The following CPA6 variants were observed in gnomAD, a reference collection of about 807,000 sequenced individuals.
CPA6 encodes the protein carboxypeptidase A6, also known as carboxypeptidase B.
CPA6 carries 58 observed loss-of-function variants against 63.3 expected under a neutral mutation model. That is an observed-to-expected ratio of 0.92 (90% CI 0.74 to 1.14). The LOEUF (loss-of-function observed/expected upper bound fraction) is 1.14. Among genes scored for constraint, CPA6 ranks in the 50% most tolerant of loss-of-function variants. The pLI, the probability that CPA6 is intolerant of heterozygous loss-of-function variation, is 0.00. For missense variants in CPA6, 565 were observed against 526.6 expected, an observed-to-expected ratio of 1.07 and a Z score of -0.71; for synonymous variants, 185 against 179.0, an observed-to-expected ratio of 1.03 and a Z score of -0.27.
intron 1 of CPA6, among the ~76,000 whole-genome samples, chr8:67,722,330 T>C (rs1388409460): frequency 6.6e-6 from 1 of 152,074 alleles, no homozygotes; most frequent in Non-Finnish European, 1.5e-5. Flanking sequence ...AAAAATAAAT[T>C]CCTGGGTCCA....
intron 2 of CPA6, among the ~76,000 whole-genome samples, chr8:67,621,847 G>A (rs749424989): frequency 5.3e-5 from 8 of 151,972 alleles, no homozygotes; most frequent in South Asian, 2.1e-4. Flanking sequence ...CCAGGTGGCC[G>A]CCTTTCTTTG....
chr8:67,710,979 C>A (rs528574834), intron 1 of CPA6, among the ~76,000 whole-genome samples: 1 of 152,278 alleles, frequency 6.6e-6, no homozygotes, highest in East Asian at 1.9e-4. Flanking sequence ...ATAGTATATA[C>A]TTTTCGTAGC....
intron 8 of CPA6, among the ~76,000 whole-genome samples, chr8:67,467,886 T>TAAAAA (rs539603315): frequency 9.1e-6 from 1 of 109,776 alleles, no homozygotes; most frequent in Admixed American, 9.7e-5. Context: ...AAACCCCGTC[T>TAAAAA]AAAAAAAAAA....
chr8:67,721,712 A>AC (rs1248679182), intron 1 of CPA6, among the ~76,000 whole-genome samples: 1 of 152,080 alleles, frequency 6.6e-6, no homozygotes, highest in Non-Finnish European at 1.5e-5. Context: ...TGGGAAAAAA[A>AC]CCCCAGAAAT....
chr8:67,645,761 T>C (rs952103685), intron 1 of CPA6, among the ~76,000 whole-genome samples: 15 of 152,242 alleles, frequency 9.9e-5, no homozygotes, highest in Non-Finnish European at 1.9e-4. Context: ...TTTTCCCAGG[T>C]CTTCTGATCT....
At chr8:67,677,945 AG>A (rs1816512800) in intron 1 of CPA6, among the ~76,000 whole-genome samples, 1 of 152,108 alleles carries the variant, frequency 6.6e-6, no homozygotes, top group Non-Finnish European at 1.5e-5. Context: ...ACAACAAAAA[AG>A]CTAACCATAA....
At chr8:67,506,990 C>A in intron 5 of CPA6, 102 bp from the exon 6 acceptor site, 1 of 812,172 alleles carries the variant, frequency 1.2e-6, no homozygotes, top group South Asian at 1.5e-5. Flanking sequence ...TAGTGTGGTT[C>A]ATTAGGTAAT....
chr8:67,615,478 G>T (rs1814921672), intron 2 of CPA6, among the ~76,000 whole-genome samples: 1 of 151,958 alleles, frequency 6.6e-6, no homozygotes, highest in Non-Finnish European at 1.5e-5. Flanking sequence ...GTAATTTTCA[G>T]GTGAAATTGC....
At chr8:67,688,083 G>T (rs1816742663) in intron 1 of CPA6, among the ~76,000 whole-genome samples, 1 of 152,100 alleles carries the variant, frequency 6.6e-6, no homozygotes, top group South Asian at 2.1e-4. Context: ...GAGGTGGGAG[G>T]ATCACCAGAA....
At chr8:67,473,645 C>G (rs1413510555) in intron 8 of CPA6, among the ~76,000 whole-genome samples, 2 of 152,312 alleles carry the variant, frequency 1.3e-5, no homozygotes, top group East Asian at 3.9e-4. Flanking sequence ...CACTCTGTCA[C>G]CCAGGCTGGA....
At chr8:67,483,682 C>T (rs1488078495) in intron 8 of CPA6, 86 bp downstream of exon 8, 1 of 1,052,134 alleles carries the variant, frequency 9.5e-7, no homozygotes, top group Admixed American at 1.7e-5. Flanking sequence ...ACATGAGTCT[C>T]CCATGAGAGT....
chr8:67,497,611 G>T (rs1242025991), intron 6 of CPA6, among the ~76,000 whole-genome samples: 1 of 152,094 alleles, frequency 6.6e-6, no homozygotes, highest in African/African-American at 2.4e-5. Flanking sequence ...GTGGAATTTT[G>T]GGGTCACATA....
intron 2 of CPA6, among the ~76,000 whole-genome samples, chr8:67,551,470 G>C (rs1394843725): frequency 6.6e-6 from 1 of 152,110 alleles, no homozygotes; most frequent in East Asian, 1.9e-4. Context: ...TTCCGGCTTT[G>C]TTCTTTTTGC....
At position 67,632,172 on chromosome 8, in the gene CPA6, GT is replaced by G. The variant is rs1815353589; in HGVS notation, c.117-7922del. ...GCTGTGTGTGTGTGTGTGTGTGTGT[GT>G]GTGTGTGTGTTTTCTCAGAGACAGT... On this transcript the variant is annotated intron_variant, in intron 1 of 10. Coordinates refer to ENST00000297770, the MANE Select transcript of CPA6 (RefSeq NM_020361.5). 2.0e-5 allele frequency among the ~76,000 whole-genome samples: 3 copies of G among 151,654 alleles called. No individual in the cohort carries two copies. The East Asian group carries it at 5.8e-4, about 29-fold the overall frequency.
chr8:67,512,694 GA>G (rs1812066106), intron 3 of CPA6, among the ~76,000 whole-genome samples: 1 of 152,130 alleles, frequency 6.6e-6, no homozygotes, highest in African/African-American at 2.4e-5. Flanking sequence ...GCCCCCCAGT[GA>G]TTTTCCTGGG....
intron 2 of CPA6, among the ~76,000 whole-genome samples, chr8:67,579,428 A>G (rs1813710045): frequency 6.6e-6 from 1 of 152,192 alleles, no homozygotes; most frequent in South Asian, 2.1e-4. Flanking sequence ...CAAAAAAGAA[A>G]AAACCTAAGT....
chr8:67,504,343 C>G (rs990969175), intron 6 of CPA6, among the ~76,000 whole-genome samples: 2 of 152,198 alleles, frequency 1.3e-5, no homozygotes, highest in Admixed American at 6.5e-5. Context: ...TATTTGTGCC[C>G]TGCATAATTC....
At chr8:67,633,467 G>A in intron 1 of CPA6, among the ~76,000 whole-genome samples, 1 of 152,170 alleles carries the variant, frequency 6.6e-6, no homozygotes, top group East Asian at 1.9e-4. Context: ...GGATCACGAG[G>A]TCAGGAGATC....
chr8:67,541,202 G>C (rs1812696292), intron 2 of CPA6, among the ~76,000 whole-genome samples: 1 of 152,138 alleles, frequency 6.6e-6, no homozygotes, highest in South Asian at 2.1e-4. Flanking sequence ...CCTGGTCTGT[G>C]GGTTGCGAAG....
Sources: allele counts gnomAD v4.1 joint callset (sites outside exome capture counted in the v4.1 genomes callset), GRCh38; gene constraint gnomAD v4.1.1; transcripts MANE v1.5; gene names NCBI Gene and HGNC (gene_info 2026-07-23, HGNC 2026-07-21).